The following RBM33 variants were observed in gnomAD, a reference collection of about 807,000 sequenced individuals.
RBM33 encodes RNA binding motif protein 33, also known as RNA-binding protein 33.
Under a neutral mutation model 132.6 loss-of-function variants are expected in RBM33, and 28 were observed. The ratio of observed to expected loss-of-function variants is 0.21; its 90% CI spans 0.16 to 0.29. RBM33 has a LOEUF of 0.29. RBM33 is among the 10% of genes least tolerant of loss of function. The pLI, the probability that RBM33 is intolerant of heterozygous loss-of-function variation, is 1.00. For synonymous variants in RBM33, 634 were observed against 593.0 expected, an observed-to-expected ratio of 1.07 and a Z score of -1.01; for missense variants, 1,291 against 1,518.5, an observed-to-expected ratio of 0.85 and a Z score of 2.49.
At chr7:155,693,073 A>G (rs879023168) in intron 5 of RBM33, among the ~76,000 whole-genome samples, 2 of 152,156 alleles carry the variant, frequency 1.3e-5, no homozygotes, top group Non-Finnish European at 2.9e-5. Flanking sequence ...ATGTGTGTGT[A>G]ATTCTCAAAA....
chr7:155,645,221 C>T (rs2116854812), intron 1 of RBM33: 2 of 340,602 alleles, frequency 5.9e-6, no homozygotes, highest in East Asian at 5.0e-5. Context: ...CCGAAGCCGG[C>T]CTGGTGTCCT....
chr7:155,702,931 G>GT (rs1554475205), intron 6 of RBM33, among the ~76,000 whole-genome samples: 22 of 151,956 alleles, frequency 1.4e-4, no homozygotes, highest in African/African-American at 4.4e-4. Flanking sequence ...ACAAATGGGG[G>GT]CTTTCCCCAA....
At chr7:155,716,316 G>GTGTTTTTTTT (rs550734927) in intron 8 of RBM33, among the ~76,000 whole-genome samples, 1 of 102,376 alleles carries the variant, frequency 9.8e-6, no homozygotes, top group South Asian at 3.4e-4. Context: ...CTTTTCTGCT[G>GTGTTTTTTTT]TTTTTTTTTT....
intron 5 of RBM33, among the ~76,000 whole-genome samples, chr7:155,693,720 T>C (rs975861547): frequency 1.3e-5 from 2 of 152,054 alleles, no homozygotes; most frequent in Non-Finnish European, 2.9e-5. Context: ...TAGCAATAAA[T>C]ATTTGGGGCT....
chr7:155,766,125 G>C (rs1249102860), intron 15 of RBM33, among the ~76,000 whole-genome samples: 1 of 152,076 alleles, frequency 6.6e-6, no homozygotes, highest in Non-Finnish European at 1.5e-5. Context: ...TCCAAATTCT[G>C]AACTGTCATT....
intron 2 of RBM33, 109 bp downstream of exon 2, chr7:155,665,362 C>T: frequency 2.2e-6 from 2 of 924,184 alleles, no homozygotes; most frequent in Non-Finnish European, 3.5e-6. Flanking sequence ...ACCTGGCGCT[C>T]TCTCTTGAGT....
intron 6 of RBM33, among the ~76,000 whole-genome samples, chr7:155,704,788 T>C (rs972658391): frequency 3.3e-5 from 5 of 152,228 alleles, no homozygotes; most frequent in Non-Finnish European, 7.3e-5. Context: ...ACCCACAGAA[T>C]ATTCTCTTGA....
At chr7:155,691,443 A>G (rs1308361228) in intron 5 of RBM33, among the ~76,000 whole-genome samples, 1 of 152,004 alleles carries the variant, frequency 6.6e-6, no homozygotes, top group Non-Finnish European at 1.5e-5. Context: ...TGTTTGTGGT[A>G]TTTTGAAGTT....
Position 155,737,524 on chromosome 7 carries a change from C to A in RBM33, c.1261-6C>A. 6.3e-7 allele frequency: 1 copy of A among 1,590,104 alleles called. No homozygotes were observed. The highest frequency in any genetic ancestry group is 1.2e-5 in the South Asian group (1 of 86,372). On this transcript the variant is annotated splice_region_variant and splice_polypyrimidine_tract_variant and intron_variant, in intron 9 of 17. Coordinates refer to ENST00000401878, the MANE Select transcript of RBM33 (RefSeq NM_053043.3). ...CTGTTTCTCTGTTGTTGTTGTTGTT[C>A]TTTAGGGCCCTCCAGAATTTCCACA...
intron 2 of RBM33, among the ~76,000 whole-genome samples, chr7:155,667,899 A>G (rs780460911): frequency 3.3e-5 from 5 of 152,198 alleles, no homozygotes; most frequent in Non-Finnish European, 5.9e-5. Context: ...AGTGAACCCA[A>G]TGTACCATCT....
chr7:155,670,951 G>T (rs1798928169), intron 2 of RBM33, among the ~76,000 whole-genome samples: 1 of 152,196 alleles, frequency 6.6e-6, no homozygotes, highest in Non-Finnish European at 1.5e-5. Flanking sequence ...TCAGCAAGAG[G>T]CACAGATACT....
At chr7:155,661,496 C>T in intron 1 of RBM33, among the ~76,000 whole-genome samples, 1 of 151,270 alleles carries the variant, frequency 6.6e-6, no homozygotes, top group East Asian at 1.9e-4. Flanking sequence ...CAACCTCTGC[C>T]TCCTGGGTTC....
chr7:155,665,386 C>T (rs755955396), intron 2 of RBM33, 133 bp downstream of exon 2: 7 of 726,572 alleles, frequency 9.6e-6, no homozygotes, highest in East Asian at 2.8e-5. Context: ...GCTGTCCCTC[C>T]TGAGCTAAAG....
At position 155,680,891 on chromosome 7, in the gene RBM33, C is replaced by T. The variant is rs1222383364; in HGVS notation, c.550C>T (p.Pro184Ser). ...AGTGTTAGACATCGAGATCAATGAACCTTTAGATGAATTTACAGTGAGTCT... is the reference window on the plus strand; with the variant it reads ...AGTGTTAGACATCGAGATCAATGAATCTTTAGATGAATTTACAGTGAGTCT... ...DEVLDIEINE[P>S]LDEFTGGMET... The change falls in exon 5 of 18, where the codon CCT (proline) becomes TCT (serine). Residue 184 changes from proline to serine, a missense_variant. Physicochemically the swap from Pro to Ser is moderately conservative, Grantham distance 74 (BLOSUM62 -1). Transcript: ENST00000401878. 1 of 1,613,116 alleles carries T rather than the reference C, an allele frequency of 6.2e-7. No individual in the cohort carries two copies. The highest frequency in any genetic ancestry group is 8.5e-7 in the Non-Finnish European group (1 of 1,179,386).
intron 9 of RBM33, among the ~76,000 whole-genome samples, chr7:155,729,344 C>A (rs1800887097): frequency 6.6e-6 from 1 of 152,122 alleles, no homozygotes. Context: ...GTTCTGGCCT[C>A]CCACCAGTGA....
At chr7:155,716,317 T>G (rs1421617516) in intron 8 of RBM33, among the ~76,000 whole-genome samples, 2 of 62,036 alleles carry the variant, frequency 3.2e-5, no homozygotes, top group Non-Finnish European at 5.6e-5. Flanking sequence ...TTTTCTGCTG[T>G]TTTTTTTTTT....
intron 14 of RBM33, among the ~76,000 whole-genome samples, chr7:155,751,924 C>CT (rs1421604409): frequency 6.6e-6 from 1 of 152,194 alleles, no homozygotes; most frequent in Non-Finnish European, 1.5e-5. Context: ...TGTTAGCTGT[C>CT]ATGCTCCTGC....
At chr7:155,724,905 G>T (rs1476471027) in intron 9 of RBM33, among the ~76,000 whole-genome samples, 2 of 152,038 alleles carry the variant, frequency 1.3e-5, no homozygotes, top group African/African-American at 2.4e-5. Flanking sequence ...AGCAGTTTGT[G>T]TATCCATTCA....
chr7:155,705,753 G>T (rs185392530), intron 6 of RBM33, among the ~76,000 whole-genome samples: 8 of 152,208 alleles, frequency 5.3e-5, no homozygotes, highest in Non-Finnish European at 1.0e-4. Context: ...TAGGAACCTA[G>T]AAGAATGTGG....
Sources: allele counts gnomAD v4.1 joint callset (sites outside exome capture counted in the v4.1 genomes callset), GRCh38; gene constraint gnomAD v4.1.1; transcripts MANE v1.5; gene names NCBI Gene and HGNC (gene_info 2026-07-23, HGNC 2026-07-21).